The following PKHD1 variants were observed in gnomAD, a reference collection of about 807,000 sequenced individuals.
The protein encoded by PKHD1 is PKHD1 ciliary IPT domain containing fibrocystin/polyductin.
A neutral mutation model predicts 412.0 loss-of-function variants in PKHD1; 291 were observed. The observed-to-expected ratio is 0.71, with a 90% CI of 0.64 to 0.78. The LOEUF (loss-of-function observed/expected upper bound fraction) is 0.78. Among genes scored for constraint, PKHD1 ranks in the 30% least tolerant of loss-of-function variants. The pLI is 0.00. For synonymous variants in PKHD1, 1,777 were observed against 1,821.5 expected (o/e 0.98, Z 0.62); for missense variants, 4,825 against 4,950.7 (o/e 0.97, Z 0.76).
intron 36 of PKHD1, among the ~76,000 whole-genome samples, chr6:51,953,896 G>A (rs1308551475): frequency 1.3e-5 from 2 of 151,958 alleles, no homozygotes; most frequent in South Asian, 2.1e-4. Context: ...GGAGAATGCC[G>A]GCAAGCAAAT....
In PKHD1 at chr6:51,981,209, C is replaced by T. The variant is rs539231365; in HGVS notation, c.5752-21183G>A. Among the ~76,000 whole-genome samples the T allele has an allele frequency of 8.9e-5, 13 of 145,282 alleles. No individual in the cohort carries two copies. The East Asian group carries it at 2.1e-3, about 23-fold the overall frequency. On this transcript the variant is annotated intron_variant, in intron 35 of 66. Coordinates refer to ENST00000371117, the MANE Select transcript of PKHD1 (RefSeq NM_138694.4). ...CTTCCCACTACACTCTACCTCTACT[C>T]CGATTGCACAGAGTCTTGCAAAAAC...
intron 10 of PKHD1, among the ~76,000 whole-genome samples, chr6:52,069,842 C>CATT (rs1319783976): frequency 6.6e-6 from 1 of 151,994 alleles, no homozygotes; most frequent in East Asian, 1.9e-4. Flanking sequence ...TTATTTCTTC[C>CATT]AAAATGAGAA....
intron 50 of PKHD1, among the ~76,000 whole-genome samples, chr6:51,843,911 T>C (rs928493943): frequency 4.6e-5 from 7 of 152,216 alleles, no homozygotes; most frequent in African/African-American, 1.4e-4. Flanking sequence ...ATTGCTTAAG[T>C]GGCATCACAT....
Position 51,801,155 on chromosome 6 carries a change from G to T in PKHD1, c.8303-9782C>A, listed in dbSNP as rs777052028. ...GATATTTTCTTTCTTTTGTGGTCTC[G>T]TTTAACTTTGGAGGCATCTAACAAT... On this transcript the variant is annotated intron_variant, in intron 52 of 66. Transcript: ENST00000371117. 7.9e-5 allele frequency among the ~76,000 whole-genome samples: 12 copies of T among 152,146 alleles called. No individual in the cohort carries two copies. The South Asian group carries it at 2.1e-3, about 26-fold the overall frequency.
chr6:51,698,025 C>A (rs888025520), intron 60 of PKHD1, among the ~76,000 whole-genome samples: 1 of 152,110 alleles, frequency 6.6e-6, no homozygotes, highest in Non-Finnish European at 1.5e-5. Context: ...CCTTTCTTAA[C>A]GAATCAAGTC....
At chr6:51,888,450 C>A (rs1778551503) in intron 43 of PKHD1, among the ~76,000 whole-genome samples, 1 of 151,518 alleles carries the variant, frequency 6.6e-6, no homozygotes, top group Non-Finnish European at 1.5e-5. Flanking sequence ...TAAGACTGTA[C>A]ACAGATGTAT....
chr6:52,038,931 T>C (rs1276710072), intron 27 of PKHD1, among the ~76,000 whole-genome samples: 1 of 152,152 alleles, frequency 6.6e-6, no homozygotes, highest in African/African-American at 2.4e-5. Flanking sequence ...AACACTATTT[T>C]TAAAAAGTGA....
At chr6:51,692,842 C>G (rs554433868) in intron 60 of PKHD1, among the ~76,000 whole-genome samples, 1 of 152,054 alleles carries the variant, frequency 6.6e-6, no homozygotes, top group Non-Finnish European at 1.5e-5. Flanking sequence ...GATTTTGCCC[C>G]AATCACTCTG....
At chr6:51,767,587 A>T (rs1789315779) in intron 55 of PKHD1, among the ~76,000 whole-genome samples, 1 of 151,892 alleles carries the variant, frequency 6.6e-6, no homozygotes, top group Non-Finnish European at 1.5e-5. Context: ...TGTCCTTGTG[A>T]TAGTTTGATG....
At chr6:51,761,862 T>C (rs1047667437) in intron 55 of PKHD1, among the ~76,000 whole-genome samples, 8 of 151,994 alleles carry the variant, frequency 5.3e-5, no homozygotes, top group South Asian at 2.1e-4. Context: ...TGGGGGAAGT[T>C]TCCTCATAAT....
At chr6:52,074,517 C>T (rs570694582) in intron 6 of PKHD1, among the ~76,000 whole-genome samples, 2 of 152,280 alleles carry the variant, frequency 1.3e-5, no homozygotes, top group Non-Finnish European at 2.9e-5. Context: ...ATTCCCTAGC[C>T]TTGGTGAGTA....
chr6:51,957,188 A>C (rs1035672837), intron 36 of PKHD1, among the ~76,000 whole-genome samples: 1 of 152,080 alleles, frequency 6.6e-6, no homozygotes, highest in African/African-American at 2.4e-5. Context: ...ATTCTAACTA[A>C]CAAGTAGCAT....
In PKHD1 at chr6:51,632,666, T is replaced by G. The variant is rs745903856; in HGVS notation, c.11564A>C (p.Glu3855Ala). Residue 3855 changes from glutamate to alanine, a missense_variant, in exon 65 of 67, where the codon GAG becomes GCG. Physicochemically the swap from Glu to Ala is moderately radical, Grantham distance 107 (BLOSUM62 -1). Coordinates refer to ENST00000371117, the MANE Select transcript of PKHD1 (RefSeq NM_138694.4). Reference protein sequence around the residue: ...PFAVLPVTRKEKSTIILAASL... With the variant: ...PFAVLPVTRKAKSTIILAASL... Reference sequence around the variant, plus strand: ...AGCAGCCAGGATGATGGTCGACTTCTCCTTCCTAGTCACAGGCAAGACAGC... The same window carrying G: ...AGCAGCCAGGATGATGGTCGACTTCGCCTTCCTAGTCACAGGCAAGACAGC... 3.1e-6 allele frequency: 5 copies of G among 1,613,478 alleles called. No homozygotes were observed. The East Asian group carries it at 8.9e-5, about 29-fold the overall frequency.
intron 5 of PKHD1, among the ~76,000 whole-genome samples, chr6:52,077,779 G>A (rs1438114398): frequency 6.6e-6 from 1 of 151,382 alleles, no homozygotes; most frequent in African/African-American, 2.5e-5. Context: ...TAACAATGTT[G>A]TTACTTCACA....
intron 33 of PKHD1, 50 bp from the exon 34 acceptor site, chr6:52,017,679 C>T (rs1232880044): frequency 7.2e-7 from 1 of 1,390,088 alleles, no homozygotes; most frequent in South Asian, 1.2e-5. Context: ...GAACCTAAGG[C>T]CTCTAGTCGG....
intron 36 of PKHD1, among the ~76,000 whole-genome samples, chr6:51,957,099 AG>A (rs1206039400): frequency 6.6e-6 from 1 of 152,090 alleles, no homozygotes; most frequent in East Asian, 1.9e-4. Flanking sequence ...GTTATTTCAG[AG>A]GTGGGTGGTT....
At chr6:51,781,454 TTAAAA>T (rs1791994513) in intron 53 of PKHD1, among the ~76,000 whole-genome samples, 3 of 152,152 alleles carry the variant, frequency 2.0e-5, no homozygotes, top group Admixed American at 2.0e-4. Context: ...TAATGGAATA[TTAAAA>T]TAAACATGAA....
At chr6:51,913,753 C>A (rs1783351187) in intron 37 of PKHD1, among the ~76,000 whole-genome samples, 1 of 152,018 alleles carries the variant, frequency 6.6e-6, no homozygotes, top group Admixed American at 6.6e-5. Context: ...TGTGCATAAG[C>A]ACTTGTACCA....
At chr6:51,929,130 G>C (rs1786186623) in intron 37 of PKHD1, among the ~76,000 whole-genome samples, 1 of 152,168 alleles carries the variant, frequency 6.6e-6, no homozygotes, top group African/African-American at 2.4e-5. Flanking sequence ...TGACGAGAGA[G>C]TGGAGATTTA....
Sources: allele counts gnomAD v4.1 joint callset (sites outside exome capture counted in the v4.1 genomes callset), GRCh38; gene constraint gnomAD v4.1.1; transcripts MANE v1.5; gene names NCBI Gene and HGNC (gene_info 2026-07-23, HGNC 2026-07-21).